ZNF570: variants seen among roughly 807,000 people sequenced by gnomAD.
ZNF570 encodes zinc finger protein 570.
ZNF570 carries 8 observed loss-of-function variants against 14.2 expected under a neutral mutation model. That is an observed-to-expected ratio of 0.56 (90% CI 0.33 to 1.02). The LOEUF (loss-of-function observed/expected upper bound fraction) is 1.02. ZNF570 is among the 50% of genes least tolerant of loss of function. The pLI, the probability that ZNF570 is intolerant of heterozygous loss-of-function variation, is 0.03. For missense variants in ZNF570, 559 were observed against 624.9 expected (o/e 0.89, Z 1.12); for synonymous variants, 202 against 207.6 (o/e 0.97, Z 0.23).
upstream of ZNF570, chr19:37,468,134 G>A: frequency 3.3e-6 from 2 of 610,674 alleles, no homozygotes; most frequent in Non-Finnish European, 5.7e-6. Flanking sequence ...GCCCAGGCTG[G>A]AGAGTGCAGC....
chr19:37,480,490 A>C (rs1373619198), intron 4 of ZNF570, among the ~76,000 whole-genome samples: 1 of 152,190 alleles, frequency 6.6e-6, no homozygotes. Context: ...ATCTCAAAAA[A>C]CAAAACAAAA....
In ZNF570 at chr19:37,469,408, G is replaced by A; in HGVS notation, c.-201G>A. On this transcript the variant is annotated 5_prime_UTR_variant, in exon 1 of 5. Transcript: ENST00000330173. Reference sequence around the variant, plus strand: ...GTTCCATCCAACTAAGGGTAGCGGTGAGACCCGAGTGCAGATTCCCCGAGC... The same window carrying A: ...GTTCCATCCAACTAAGGGTAGCGGTAAGACCCGAGTGCAGATTCCCCGAGC... The A allele has an allele frequency of 6.6e-7, 1 of 1,523,598 alleles. No homozygotes were observed. The highest frequency in any genetic ancestry group is 8.8e-7 in the Non-Finnish European group (1 of 1,139,030). 94.4% of individuals were successfully genotyped at this position (1,523,598 alleles called of 1,614,324 possible). A position where few individuals can be genotyped will look rare whatever the true frequency, so the allele number is the denominator to read the frequency against.
upstream of ZNF570, chr19:37,468,077 T>TG (rs2041879720): frequency 1.1e-5 from 8 of 734,750 alleles, no homozygotes; most frequent in South Asian, 3.6e-5. Flanking sequence ...TCGTGTTTTT[T>TG]TTTTTTTGTT....
upstream of ZNF570, chr19:37,469,164 C>G: frequency 8.6e-7 from 1 of 1,168,812 alleles, no homozygotes; most frequent in Non-Finnish European, 1.1e-6. Context: ...TCTGGAAGGC[C>G]GGGGAGAGGC....
intron 2 of ZNF570, among the ~76,000 whole-genome samples, chr19:37,471,787 G>A (rs546252394): frequency 5.9e-5 from 9 of 152,138 alleles, no homozygotes; most frequent in Admixed American, 6.5e-5. Flanking sequence ...TAAACTGAAT[G>A]GGACAAGGAT....
chr19:37,469,943 T>C (rs2041927590), intron 1 of ZNF570, among the ~76,000 whole-genome samples: 1 of 152,188 alleles, frequency 6.6e-6, no homozygotes, highest in South Asian at 2.1e-4. Flanking sequence ...GCCCAAGTCA[T>C]ATCAATGTGC....
rs143775131 is a variant in ZNF570, at chr19:37,472,080, T to A, written c.33+1693T>A. ...TGCCACCATGCCCAGCTAATTTTTG[T>A]ATTTTTAGTAGTGACAGGGTTTCAC... On this transcript the variant is annotated intron_variant, in intron 2 of 4. Coordinates refer to ENST00000330173, the MANE Select transcript of ZNF570 (RefSeq NM_144694.5). Among the ~76,000 whole-genome samples, 951 of 152,146 alleles carry A rather than the reference T, an allele frequency of 6.3e-3. 25 individuals are homozygous for A. The highest frequency in any genetic ancestry group is 0.053 in the East Asian group (273 of 5,150).
rs988822573 is a variant in ZNF570, at chr19:37,487,388, A to G, written c.*2155A>G. On this transcript the variant is annotated 3_prime_UTR_variant, in exon 5 of 5. Coordinates refer to ENST00000330173, the MANE Select transcript of ZNF570 (RefSeq NM_144694.5). ...AAGGGAAGAAAACAGATAGATACAC[A>G]AATAATATAGGCATTCATTCTGTTA... 2.6e-5 allele frequency: 4 copies of G among 152,110 alleles called. No individual in the cohort carries two copies. The highest frequency in any genetic ancestry group is 4.4e-5 in the Non-Finnish European group (3 of 68,040). 9.4% of individuals were successfully genotyped at this position (152,110 alleles called of 1,614,324 possible).
intron 4 of ZNF570, among the ~76,000 whole-genome samples, chr19:37,478,984 T>G (rs2042056831): frequency 6.6e-6 from 1 of 151,308 alleles, no homozygotes; most frequent in Non-Finnish European, 1.5e-5. Flanking sequence ...GATTTCGGAA[T>G]CAAGGTTGAT....
Position 37,469,374 on chromosome 19 carries a change from A to G in ZNF570, c.-235A>G, listed in dbSNP as rs1464596479. Reference sequence around the variant, plus strand: ...CTGAGGCGCTTCTTTCCGGGCCCGTAAGGGCTGGGTTCCATCCAACTAAGG... The same window carrying G: ...CTGAGGCGCTTCTTTCCGGGCCCGTGAGGGCTGGGTTCCATCCAACTAAGG... On this transcript the variant is annotated 5_prime_UTR_variant, in exon 1 of 5. Coordinates refer to ENST00000330173, the MANE Select transcript of ZNF570 (RefSeq NM_144694.5). 7.0e-7 allele frequency: 1 copy of G among 1,434,288 alleles called. No homozygotes were observed. The allele number at this position is 1,434,288 out of a possible 1,614,324, so 88.8% of individuals were successfully genotyped here.
At chr19:37,468,301 C>T (rs188029621), upstream of ZNF570, among the ~76,000 whole-genome samples, 399 of 152,174 alleles carry the variant, frequency 2.6e-3, 3 homozygotes, top group African/African-American at 9.3e-3. Context: ...GTTGCCCAGG[C>T]TGCTCTCGAA....
chr19:37,475,565 C>T (rs1188741608), intron 2 of ZNF570, among the ~76,000 whole-genome samples: 2 of 152,242 alleles, frequency 1.3e-5, no homozygotes, highest in East Asian at 3.9e-4. Flanking sequence ...GGGGATAAAG[C>T]AGTGACCAAA....
chr19:37,472,534 A>G (rs1216249917), intron 2 of ZNF570, among the ~76,000 whole-genome samples: 1 of 152,062 alleles, frequency 6.6e-6, no homozygotes, highest in Non-Finnish European at 1.5e-5. Context: ...TGAGGTCGGG[A>G]GTTCGAGACC....
In ZNF570 at chr19:37,469,414, C is replaced by T. The variant is rs866312497; in HGVS notation, c.-195C>T. ...TCCAACTAAGGGTAGCGGTGAGACC[C>T]GAGTGCAGATTCCCCGAGCCTTCGG... On this transcript the variant is annotated 5_prime_UTR_variant, in exon 1 of 5. Transcript: ENST00000330173. 1 of 1,527,666 alleles carries T rather than the reference C, an allele frequency of 6.5e-7. No individual in the cohort carries two copies. Among genetic ancestry groups the T allele is most frequent in the Non-Finnish European group, 8.8e-7 (1 of 1,141,632 alleles). The allele number at this position is 1,527,666 out of a possible 1,614,324, so 94.6% of individuals were successfully genotyped here. A position where few individuals can be genotyped will look rare whatever the true frequency, so the allele number is the denominator to read the frequency against.
At chr19:37,469,019 C>G (rs978479530), upstream of ZNF570, 3 of 982,946 alleles carry the variant, frequency 3.1e-6, no homozygotes, top group African/African-American at 3.5e-5. Context: ...CAACTCCCCG[C>G]CCTGGTTGCT....
chr19:37,467,852 T>C, upstream of ZNF570: 1 of 1,535,498 alleles, frequency 6.5e-7, no homozygotes, highest in South Asian at 1.2e-5. Flanking sequence ...TATATTCTCG[T>C]GGCTGTTTGA....
intron 4 of ZNF570, 137 bp from the exon 5 acceptor site, chr19:37,483,742 A>T: frequency 1.3e-6 from 1 of 784,370 alleles, no homozygotes; most frequent in Non-Finnish European, 1.9e-6. Flanking sequence ...CTTCTTGTAC[A>T]CTTCAGAACT....
In ZNF570 at chr19:37,483,965, C is replaced by T. The variant is rs201683137; in HGVS notation, c.343C>T (p.Leu115Phe). 1 of 1,613,804 alleles carries T rather than the reference C, an allele frequency of 6.2e-7. No homozygotes were observed. Among genetic ancestry groups the T allele is most frequent in the East Asian group, 2.2e-5 (1 of 44,866 alleles). The change falls in exon 5 of 5, where the codon CTT (leucine) becomes TTT (phenylalanine). Residue 115 changes from leucine to phenylalanine, a missense_variant. Coordinates refer to ENST00000330173, the MANE Select transcript of ZNF570 (RefSeq NM_144694.5). Reference sequence around the variant, plus strand: ...TCAATCCCAGAAGATAATAGAAACACTTACAAGCTATAACCTTGAATACTC... The same window carrying T: ...TCAATCCCAGAAGATAATAGAAACATTTACAAGCTATAACCTTGAATACTC... ...EHQSQKIIET[L>F]TSYNLEYSSL...
rs541913486 is a variant in ZNF570 at position 37,482,006 on chromosome 19, C to T, written c.257-1873C>T. On this transcript the variant is annotated intron_variant, in intron 4 of 4. Transcript: ENST00000330173. ...TGTATTGCCAGACTACTTTAGGTAC[C>T]TCATATAAGTGGAATCATACAGTAT... Among the ~76,000 whole-genome samples, 4 of 152,282 alleles carry T rather than the reference C, an allele frequency of 2.6e-5. No homozygotes were observed. The South Asian group carries it at 8.3e-4, about 32-fold the overall frequency.
Sources: allele counts gnomAD v4.1 joint callset (sites outside exome capture counted in the v4.1 genomes callset), GRCh38; gene constraint gnomAD v4.1.1; transcripts MANE v1.5; gene names NCBI Gene and HGNC (gene_info 2026-07-23, HGNC 2026-07-21).